The following ZCCHC7 variants were observed in gnomAD, a reference collection of about 807,000 sequenced individuals.
ZCCHC7 encodes the protein zinc finger CCHC domain-containing protein 7.
ZCCHC7 carries 35 observed loss-of-function variants against 52.0 expected under a neutral mutation model. The observed-to-expected ratio is 0.67, with a 90% CI of 0.51 to 0.89. The LOEUF is 0.89. ZCCHC7 is among the 40% of genes least tolerant of loss of function. ZCCHC7 has a pLI of 0.00. For synonymous variants in ZCCHC7, 217 were observed against 221.5 expected (o/e 0.98, Z 0.18); for missense variants, 574 against 649.1 (o/e 0.88, Z 1.26).
chr9:37,351,358 G>A (rs1266162037), intron 7 of ZCCHC7, among the ~76,000 whole-genome samples: 3 of 152,096 alleles, frequency 2.0e-5, no homozygotes, highest in South Asian at 2.1e-4. Context: ...GGTACAGAGT[G>A]CAGTGGGCAC....
At chr9:37,145,355 A>G (rs1316616206) in intron 2 of ZCCHC7, among the ~76,000 whole-genome samples, 1 of 151,924 alleles carries the variant, frequency 6.6e-6, no homozygotes, top group African/African-American at 2.4e-5. Flanking sequence ...TTATTATATC[A>G]AATAATACTT....
intron 5 of ZCCHC7, among the ~76,000 whole-genome samples, chr9:37,312,160 T>C (rs1829630581): frequency 6.6e-6 from 1 of 152,248 alleles, no homozygotes; most frequent in Non-Finnish European, 1.5e-5. Context: ...AAACATATTA[T>C]TGTGCTGAAT....
chr9:37,271,639 G>A (rs1403189549), intron 2 of ZCCHC7, among the ~76,000 whole-genome samples: 1 of 152,066 alleles, frequency 6.6e-6, no homozygotes, highest in South Asian at 2.1e-4. Flanking sequence ...GCACAATCTC[G>A]GCTCACTGCA....
At chr9:37,331,168 A>T (rs965599559) in intron 6 of ZCCHC7, among the ~76,000 whole-genome samples, 4 of 151,626 alleles carry the variant, frequency 2.6e-5, no homozygotes, top group African/African-American at 4.8e-5. Context: ...GTTTTTTTAT[A>T]TATAATGTTT....
At chr9:37,201,494 G>T (rs1823627363) in intron 2 of ZCCHC7, among the ~76,000 whole-genome samples, 1 of 152,152 alleles carries the variant, frequency 6.6e-6, no homozygotes, top group Admixed American at 6.5e-5. Flanking sequence ...GCTTTATTGA[G>T]GAGGAAAGTA....
chr9:37,338,068 A>G (rs1830757894), intron 6 of ZCCHC7, among the ~76,000 whole-genome samples: 2 of 152,164 alleles, frequency 1.3e-5, no homozygotes, highest in South Asian at 4.1e-4. Flanking sequence ...TTTTTAAGCC[A>G]TGAAGATTTG....
At chr9:37,319,509 C>A (rs1488715926) in intron 5 of ZCCHC7, among the ~76,000 whole-genome samples, 1 of 152,106 alleles carries the variant, frequency 6.6e-6, no homozygotes, top group African/African-American at 2.4e-5. Context: ...CTCACTGCAA[C>A]CTCCACCTCC....
At chr9:37,294,256 T>TG (rs775527840) in intron 2 of ZCCHC7, among the ~76,000 whole-genome samples, 1 of 152,206 alleles carries the variant, frequency 6.6e-6, no homozygotes, top group African/African-American at 2.4e-5. Context: ...TGAAAACAGA[T>TG]GCTGCTGATG....
At chr9:37,274,945 A>C (rs1827612386) in intron 2 of ZCCHC7, among the ~76,000 whole-genome samples, 1 of 152,142 alleles carries the variant, frequency 6.6e-6, no homozygotes, top group Non-Finnish European at 1.5e-5. Flanking sequence ...ATGGTGTATC[A>C]AGTTTATGCA....
chr9:37,204,715 T>G (rs1823813984), intron 2 of ZCCHC7, among the ~76,000 whole-genome samples: 1 of 151,576 alleles, frequency 6.6e-6, no homozygotes, highest in Non-Finnish European at 1.5e-5. Context: ...TGTAGCCTTG[T>G]AGTATAGTTT....
chr9:37,294,251 A>C (rs1453501663), intron 2 of ZCCHC7, among the ~76,000 whole-genome samples: 1 of 152,186 alleles, frequency 6.6e-6, no homozygotes, highest in Non-Finnish European at 1.5e-5. Context: ...TCCGTTGAAA[A>C]CAGATGCTGC....
chr9:37,324,262 T>G (rs1175947694), intron 5 of ZCCHC7, among the ~76,000 whole-genome samples: 3 of 152,172 alleles, frequency 2.0e-5, no homozygotes, highest in Non-Finnish European at 4.4e-5. Flanking sequence ...CTAACTGACT[T>G]GGAGCTGAAG....
intron 6 of ZCCHC7, among the ~76,000 whole-genome samples, chr9:37,337,106 G>A (rs1021865651): frequency 2.0e-5 from 3 of 152,008 alleles, no homozygotes; most frequent in Non-Finnish European, 4.4e-5. Context: ...GCCGATAAGC[G>A]GATCTATTTC....
intron 2 of ZCCHC7, among the ~76,000 whole-genome samples, chr9:37,177,087 A>G (rs975039528): frequency 2.0e-5 from 3 of 152,146 alleles, no homozygotes; most frequent in South Asian, 2.1e-4. Context: ...TACGCCTGTA[A>G]TCCCAGCACT....
At chr9:37,255,696 A>G (rs1358193802) in intron 2 of ZCCHC7, among the ~76,000 whole-genome samples, 1 of 152,154 alleles carries the variant, frequency 6.6e-6, no homozygotes, top group Non-Finnish European at 1.5e-5. Flanking sequence ...GTAGATATCA[A>G]TGGATGAGCA....
chr9:37,254,739 A>G (rs532288129), intron 2 of ZCCHC7, among the ~76,000 whole-genome samples: 2 of 151,546 alleles, frequency 1.3e-5, no homozygotes, highest in Middle Eastern at 3.4e-3. Context: ...GAAATGTTTT[A>G]GATTTTGGAT....
intron 2 of ZCCHC7, among the ~76,000 whole-genome samples, chr9:37,256,720 T>G (rs1826605958): frequency 6.6e-6 from 1 of 152,322 alleles, no homozygotes; most frequent in Non-Finnish European, 1.5e-5. Context: ...TACAAAATTA[T>G]GCATGAGTGA....
chr9:37,123,265 A>G (rs1241914354), intron 1 of ZCCHC7, among the ~76,000 whole-genome samples: 1 of 152,034 alleles, frequency 6.6e-6, no homozygotes, highest in Admixed American at 6.6e-5. Context: ...TTGTCTTCCA[A>G]GACACTTTTT....
At chr9:37,201,867 G>A (rs1428684806) in intron 2 of ZCCHC7, among the ~76,000 whole-genome samples, 2 of 152,188 alleles carry the variant, frequency 1.3e-5, no homozygotes, top group Admixed American at 1.3e-4. Context: ...TATCTGCATT[G>A]CACTGGGCTT....
Sources: gnomAD v4.1 joint callset for allele counts (sites outside exome capture counted in the v4.1 genomes callset) on GRCh38, gnomAD v4.1.1 for gene constraint, MANE v1.5 for transcripts, NCBI Gene and HGNC (gene_info 2026-07-23, HGNC 2026-07-21) for gene names.